NUMBL: variants seen among roughly 807,000 people sequenced by gnomAD.
NUMBL encodes NUMB like endocytic adaptor protein.
Under a neutral mutation model 48.9 loss-of-function variants are expected in NUMBL, and 20 were observed. The observed-to-expected ratio is 0.41, with a 90% CI of 0.29 to 0.59. The LOEUF is 0.59. Ranked by LOEUF, NUMBL falls within the 20% of genes least tolerant of loss-of-function variation. NUMBL has a pLI of 0.31. For synonymous variants in NUMBL, 340 were observed against 348.7 expected (o/e 0.98, Z 0.28); for missense variants, 660 against 846.2 (o/e 0.78, Z 2.73).
intron 1 of NUMBL, among the ~76,000 whole-genome samples, chr19:40,689,077 A>T (rs1380646497): frequency 6.6e-6 from 1 of 152,166 alleles, no homozygotes; most frequent in African/African-American, 2.4e-5. Flanking sequence ...ACACAACTAT[A>T]AACATTGTCA....
intron 8 of NUMBL, among the ~76,000 whole-genome samples, chr19:40,671,877 T>C (rs543827221): frequency 4.3e-4 from 65 of 152,050 alleles, no homozygotes; most frequent in Non-Finnish European, 8.1e-4. Context: ...TGGCAGAGAT[T>C]GCTCTTAATT....
In NUMBL at chr19:40,667,414, C is replaced by T. The variant is rs532281848; in HGVS notation, c.*54G>A. ...CAGGGTTAGGGGAGAGGTTGTGCCTCCACCCCCAGGCGTGGGGCACCTGGA... is the reference window on the plus strand; with the variant it reads ...CAGGGTTAGGGGAGAGGTTGTGCCTTCACCCCCAGGCGTGGGGCACCTGGA... On this transcript the variant is annotated 3_prime_UTR_variant, in exon 10 of 10. Transcript: ENST00000252891. The surrounding 1 kb of genome is among the most constrained non-coding windows in gnomAD (Gnocchi z 6.1). 2 of 1,576,260 alleles carry T rather than the reference C, an allele frequency of 1.3e-6. No individual in the cohort carries two copies. The highest frequency in any genetic ancestry group is 1.9e-5 in the Admixed American group (1 of 53,892).
At chr19:40,679,973 TC>T (rs1717525925) in intron 6 of NUMBL, among the ~76,000 whole-genome samples, 1 of 152,052 alleles carries the variant, frequency 6.6e-6, no homozygotes. Context: ...TATGTGAATT[TC>T]ACCTCAAGAA....
intron 8 of NUMBL, among the ~76,000 whole-genome samples, chr19:40,670,498 A>G (rs2250994): frequency 0.7 from 107,026 of 151,974 alleles, 39,070 homozygotes; most frequent in African/African-American, 0.91. Flanking sequence ...GCAGAGATAC[A>G]CCTGTGCCAG....
chr19:40,673,526 G>A lies in NUMBL; in HGVS notation c.854C>T (p.Thr285Ile), dbSNP rs776275972. The part of the protein sequence containing the change: ...GEAGTPVAAG[T>I]TAAAIPRRHA... ...GCGCCGGGGGATGGCGGCCGCAGTG[G>A]TGCCTGCAGCCACAGGGGTGCCTGC... is the stretch of plus-strand genomic sequence containing the variant. The change falls in exon 8 of 10, where the codon ACC (threonine) becomes ATC (isoleucine). Residue 285 changes from threonine (T) to isoleucine (I), a missense_variant. Transcript: ENST00000252891. This position sits in a 1 kb window ranked among gnomAD's most constrained non-coding sequence, Gnocchi z 5.9. 3 of 1,562,322 alleles carry A rather than the reference G, an allele frequency of 1.9e-6. No individual in the cohort carries two copies. Among genetic ancestry groups the A allele is most frequent in the African/African-American group, 2.7e-5 (2 of 73,540 alleles).
intron 8 of NUMBL, among the ~76,000 whole-genome samples, chr19:40,670,976 T>C (rs2081844608): frequency 6.6e-6 from 1 of 152,048 alleles, no homozygotes; most frequent in Non-Finnish European, 1.5e-5. Context: ...TTTTTAAAAA[T>C]ATTTATTTAT....
In NUMBL at chr19:40,690,584, C is replaced by T; in HGVS notation, c.-101G>A. 1.5e-6 allele frequency: 1 copy of T among 678,480 alleles called. No individual in the cohort carries two copies. Among genetic ancestry groups the T allele is most frequent in the Non-Finnish European group, 2.0e-6 (1 of 488,128 alleles). 42.0% of individuals were successfully genotyped at this position (678,480 alleles called of 1,614,324 possible). A position where few individuals can be genotyped will look rare whatever the true frequency, so the allele number is the denominator to read the frequency against. The stretch of plus-strand genomic sequence containing the variant: ...CGGCGGCAGCTCGGTCTGACGCCGG[C>T]CAGGGCCCGGGGCCGGGGGATGGTG... On this transcript the variant is annotated 5_prime_UTR_variant, in exon 1 of 10. Transcript: ENST00000252891.
Position 40,667,756 on chromosome 19 carries a change from C to A in NUMBL, c.1542G>T (p.Gln514His), listed in dbSNP as rs372917525. ...CTGAGCAGAAGGCGTTTGCCACCAT[C>A]TGTGAGGGTGTGATGCCCACCACGG... ...RVPVVGITPSQMVANAFCSAA... is the reference protein window; with the variant it reads ...RVPVVGITPSHMVANAFCSAA... Residue 514 changes from glutamine to histidine, a missense_variant, in exon 10 of 10, where the codon CAG becomes CAT. Transcript: ENST00000252891. The surrounding 1 kb of genome is among the most constrained non-coding windows in gnomAD (Gnocchi z 6.1). 1.3e-6 allele frequency: 2 copies of A among 1,580,594 alleles called. No homozygotes were observed. Among genetic ancestry groups the A allele is most frequent in the African/African-American group, 1.3e-5 (1 of 74,442 alleles).
rs910487590 is a variant in NUMBL, at chr19:40,687,976, C to T, written c.25-981G>A. On this transcript the variant is annotated intron_variant, in intron 1 of 9. Coordinates refer to ENST00000252891, the MANE Select transcript of NUMBL (RefSeq NM_004756.5). This position sits in a 1 kb window ranked among gnomAD's most constrained non-coding sequence, Gnocchi z 4.6. ...GCTCAAATCTGGTCACAGCATCAGT[C>T]ACACAGTCTATTGTGACAGCCACAC... 6.6e-6 allele frequency among the ~76,000 whole-genome samples: 1 copy of T among 152,206 alleles called. No individual in the cohort carries two copies. Among genetic ancestry groups the T allele is most frequent in the Non-Finnish European group, 1.5e-5 (1 of 68,034 alleles).
Position 40,667,542 on chromosome 19 carries a change from C to T in NUMBL, c.1756G>A (p.Gly586Ser), listed in dbSNP as rs1332813745. 3.8e-6 allele frequency: 6 copies of T among 1,569,092 alleles called. No individual in the cohort carries two copies. Among genetic ancestry groups the T allele is most frequent in the Admixed American group, 3.8e-5 (2 of 52,538 alleles). The change falls in exon 10 of 10, where the codon GGC becomes AGC. Residue 586 changes from glycine to serine, a missense_variant. Coordinates refer to ENST00000252891, the MANE Select transcript of NUMBL (RefSeq NM_004756.5). This position sits in a 1 kb window ranked among gnomAD's most constrained non-coding sequence, Gnocchi z 6.1. ...GAGGGTTTCTCTACAGTGGCTTTGC[C>T]TTCTAATGCCGCCCACTGGGCCTCA... ...PFEAQWAALE[G>S]KATVEKPSNP...
intron 9 of NUMBL, 40 bp downstream of exon 9, chr19:40,669,858 G>A: frequency 6.2e-7 from 1 of 1,602,532 alleles, no homozygotes; most frequent in Non-Finnish European, 8.5e-7. Context: ...ATACAGGAGG[G>A]ACATGCAGGG....
rs754046549 is a variant in NUMBL, at chr19:40,667,661, G to C, written c.1637C>G (p.Pro546Arg). The C allele has an allele frequency of 6.4e-7, 1 of 1,565,400 alleles. No homozygotes were observed. Among genetic ancestry groups the C allele is most frequent in the Non-Finnish European group, 8.7e-7 (1 of 1,155,110 alleles). The change falls in exon 10 of 10, where the codon CCC (proline) becomes CGC (arginine). Residue 546 changes from proline to arginine, a missense_variant. Transcript: ENST00000252891. This position sits in a 1 kb window ranked among gnomAD's most constrained non-coding sequence, Gnocchi z 6.1. ...GCGGGCCTGGCTCCCAGGGGCACTG[G>C]GTATGGCAGGGGGCGGGAAGGCCCC... ...KAGAFPPPAIPSAPGSQARPR... is the reference protein window; with the variant it reads ...KAGAFPPPAIRSAPGSQARPR...
At position 40,666,636 on chromosome 19, in the gene NUMBL, G is replaced by A. The variant is rs763343162; in HGVS notation, c.*832C>T. 2 of 152,174 alleles carry A rather than the reference G, an allele frequency of 1.3e-5. No homozygotes were observed. Among genetic ancestry groups the A allele is most frequent in the African/African-American group, 2.4e-5 (1 of 41,268 alleles). The allele number at this position is 152,174 out of a possible 1,614,324, so 9.4% of individuals were successfully genotyped here. A position where few individuals can be genotyped will look rare whatever the true frequency, so the allele number is the denominator to read the frequency against. ...TTTCAGTCCATGACTCAGGAGGAAAGGTTCTAGGGCCTCACCAGCGCCCTA... is the reference window on the plus strand; with the variant it reads ...TTTCAGTCCATGACTCAGGAGGAAAAGTTCTAGGGCCTCACCAGCGCCCTA... On this transcript the variant is annotated 3_prime_UTR_variant, in exon 10 of 10. Coordinates refer to ENST00000252891, the MANE Select transcript of NUMBL (RefSeq NM_004756.5).
intron 8 of NUMBL, among the ~76,000 whole-genome samples, chr19:40,670,880 G>A (rs888518807): frequency 6.6e-6 from 1 of 152,196 alleles, no homozygotes; most frequent in African/African-American, 2.4e-5. Context: ...GTTTGCAGGT[G>A]TGCATGGATC....
At chr19:40,680,125 A>G (rs8110611) in intron 6 of NUMBL, among the ~76,000 whole-genome samples, 1 of 151,378 alleles carries the variant, frequency 6.6e-6, no homozygotes. Context: ...CTCATCCCCA[A>G]ATAGTTTTTT....
Position 40,668,000 on chromosome 19 carries a change from T to A in NUMBL, c.1298A>T (p.Gln433Leu). ...CTGCTGCTGCTGCTGCTGTTGCTGT[T>A]GCTGCTGCTGCTGCTGCTGGGCCTT... ...VAKAQQQQQQ[Q>L]QQQQQQQQQQ... The change falls in exon 10 of 10, where the codon CAA (glutamine) becomes CTA (leucine). Residue 433 changes from glutamine to leucine, a missense_variant. Around this residue, in one of 3 missense-constraint regions of NUMBL, gnomAD observed 296 missense variants for 339.7 expected, o/e 0.87. Transcript: ENST00000252891. The surrounding 1 kb of genome is among the most constrained non-coding windows in gnomAD (Gnocchi z 6.1). 5.7e-6 allele frequency: 5 copies of A among 875,270 alleles called. No homozygotes were observed. The highest frequency in any genetic ancestry group is 7.6e-6 in the Non-Finnish European group (5 of 657,058). The allele number at this position is 875,270 out of a possible 1,614,324, so 54.2% of individuals were successfully genotyped here.
At chr19:40,680,785 A>C (rs2081900981) in intron 6 of NUMBL, 132 bp downstream of exon 6, 2 of 1,025,164 alleles carry the variant, frequency 2.0e-6, no homozygotes, top group South Asian at 3.0e-5. Flanking sequence ...CCGTGAGTAT[A>C]CTTTCTTCTC....
intron 2 of NUMBL, among the ~76,000 whole-genome samples, chr19:40,686,570 G>T (rs73931349): frequency 7.2e-6 from 1 of 138,976 alleles, no homozygotes; most frequent in African/African-American, 2.8e-5. Context: ...GTGTATATAT[G>T]TGTGTACATT....
At chr19:40,686,091 G>A (rs528032841) in intron 2 of NUMBL, 2 of 152,778 alleles carry the variant, frequency 1.3e-5, no homozygotes, top group African/African-American at 2.4e-5. Flanking sequence ...CTGTGAAAGT[G>A]TGGCTGTCGT....
Sources: gnomAD v4.1 joint callset for allele counts (sites outside exome capture counted in the v4.1 genomes callset) on GRCh38, gnomAD v4.1.1 for gene constraint, gnomAD v4.1.1 regional missense constraint, Gnocchi (gnomAD v3.1) non-coding constraint, MANE v1.5 for transcripts, NCBI Gene and HGNC (gene_info 2026-07-23, HGNC 2026-07-21) for gene names.